DDX10: variants seen among roughly 807,000 people sequenced by gnomAD.
DDX10 encodes the protein DEAD-box helicase 10, also known as probable ATP-dependent RNA helicase DDX10.
A neutral mutation model predicts 104.3 loss-of-function variants in DDX10; 74 were observed. The observed-to-expected ratio is 0.71, with a 90% CI of 0.59 to 0.86. DDX10 has a LOEUF of 0.86. DDX10 is among the 40% of genes least tolerant of loss of function. The pLI is 0.00. For synonymous variants in DDX10, 351 were observed against 353.4 expected (o/e 0.99, Z 0.08); for missense variants, 952 against 1,040.0 (o/e 0.92, Z 1.16).
Position 108,678,305 on chromosome 11 carries a change from CT to C in DDX10, c.538-9del. 1 of 1,606,130 alleles carries C rather than the reference CT, an allele frequency of 6.2e-7. No homozygotes were observed. The highest frequency in any genetic ancestry group is 8.5e-7 in the Non-Finnish European group (1 of 1,177,290). ...GTGTCTGTGTAATCAAAATAAATAACTGTTTTCAGGATCTAAAACACGAAGC... is the reference window on the plus strand; with the variant it reads ...GTGTCTGTGTAATCAAAATAAATAACGTTTTCAGGATCTAAAACACGAAGC... On this transcript the variant is annotated splice_polypyrimidine_tract_variant and intron_variant, in intron 4 of 17. Transcript: ENST00000322536.
intron 9 of DDX10, among the ~76,000 whole-genome samples, chr11:108,694,294 GAAA>G (rs2094256736): frequency 6.6e-6 from 1 of 152,162 alleles, no homozygotes; most frequent in South Asian, 2.1e-4. Context: ...TTCAGGTGAG[GAAA>G]CTGAATCTTT....
At chr11:108,685,420 C>T (rs11212755) in intron 6 of DDX10, among the ~76,000 whole-genome samples, 18,347 of 151,284 alleles carry the variant, frequency 0.12, 1,493 homozygotes, top group East Asian at 0.27. Flanking sequence ...CACTGGCCTG[C>T]GCCCACTGTC....
Position 108,885,392 on chromosome 11 carries a change from C to G in DDX10, c.2305-32481C>G, listed in dbSNP as rs192503852. 5.3e-3 allele frequency among the ~76,000 whole-genome samples: 766 copies of G among 143,726 alleles called. 3 individuals are homozygous for G. Among genetic ancestry groups the G allele is most frequent in the Non-Finnish European group, 8.5e-3 (567 of 66,954 alleles). 94.3% of individuals were successfully genotyped at this position (143,726 alleles called of 152,430 possible). A position where few individuals can be genotyped will look rare whatever the true frequency, so the allele number is the denominator to read the frequency against. The stretch of plus-strand genomic sequence containing the variant: ...TTTTTTTTTGAGATGGAGTCTCGCA[C>G]TCTCACCCAGGCTGGAGTGTAGTGG... On this transcript the variant is annotated intron_variant, in intron 16 of 17. Coordinates refer to ENST00000322536, the MANE Select transcript of DDX10 (RefSeq NM_004398.4).
At chr11:108,785,741 A>G (rs894865724) in intron 13 of DDX10, among the ~76,000 whole-genome samples, 89 of 152,116 alleles carry the variant, frequency 5.9e-4, no homozygotes, top group Middle Eastern at 3.4e-3. Context: ...ATCGTCTCCA[A>G]TCTTTTATAT....
intron 13 of DDX10, among the ~76,000 whole-genome samples, chr11:108,786,179 A>G (rs1011572995): frequency 6.6e-6 from 1 of 151,578 alleles, no homozygotes; most frequent in South Asian, 2.1e-4. Flanking sequence ...TTCTTTATCA[A>G]TTTCTGTTTT....
At chr11:108,861,122 CAATCTAATCAGCTGCCAGCG>C (rs1355673200) in intron 16 of DDX10, among the ~76,000 whole-genome samples, 1 of 150,492 alleles carries the variant, frequency 6.6e-6, no homozygotes, top group Non-Finnish European at 1.5e-5. Context: ...CTAGTAGGCG[CAATCTAATCAGCTGCCAGCG>C]AATATAAAGC....
At chr11:108,838,382 T>G in intron 13 of DDX10, 64 bp from the exon 14 acceptor site, 1 of 1,540,044 alleles carries the variant, frequency 6.5e-7, no homozygotes, top group African/African-American at 1.4e-5. Flanking sequence ...TTGCCAGAGT[T>G]GGATTGTTAA....
At chr11:108,805,402 G>T (rs1565284320) in intron 13 of DDX10, among the ~76,000 whole-genome samples, 1 of 152,202 alleles carries the variant, frequency 6.6e-6, no homozygotes, top group Non-Finnish European at 1.5e-5. Context: ...AAAGTAGCAA[G>T]TGGTACAAAG....
Position 108,688,929 on chromosome 11 carries a change from C to T in DDX10, c.849-7C>T. 3 of 1,608,708 alleles carry T rather than the reference C, an allele frequency of 1.9e-6. No individual in the cohort carries two copies. The highest frequency in any genetic ancestry group is 2.2e-5 in the East Asian group (1 of 44,786). ...TCTAATGTTTTTCTTTTCCGTAATT[C>T]CACAAGCACCCCTGCCACTTTGGAA... On this transcript the variant is annotated splice_polypyrimidine_tract_variant and splice_region_variant and intron_variant, in intron 6 of 17. Transcript: ENST00000322536.
rs750410748 is a variant in DDX10 at position 108,678,329 on chromosome 11, A to G, written c.552A>G (p.Glu184=). The change falls in exon 5 of 18, where the codon GAA becomes GAG. Residue 184 remains glutamate (E), a synonymous_variant. Transcript: ENST00000322536. ...LIIGGKDLKH[E]AERINNINIL... ...ACTGTTTTCAGGATCTAAAACACGA[A>G]GCTGAGAGGATCAACAACATAAATA... The G allele has an allele frequency of 6.2e-7, 1 of 1,610,310 alleles. No individual in the cohort carries two copies. The highest frequency in any genetic ancestry group is 2.2e-5 in the East Asian group (1 of 44,820).
intron 17 of DDX10, chr11:108,920,330 C>G (rs1863806440): frequency 6.6e-6 from 1 of 152,152 alleles, no homozygotes; most frequent in Non-Finnish European, 1.5e-5. Context: ...ATTTCATGCA[C>G]AGCTAACAAG....
chr11:108,889,201 G>A (rs533275885), intron 16 of DDX10, among the ~76,000 whole-genome samples: 6 of 152,222 alleles, frequency 3.9e-5, no homozygotes, highest in African/African-American at 1.4e-4. Context: ...GCTGAAATCT[G>A]TAGTGATTCA....
At position 108,784,359 on chromosome 11, in the gene DDX10, A is replaced by G. The variant is rs1360973748; in HGVS notation, c.1966-54087A>G. On this transcript the variant is annotated intron_variant, in intron 13 of 17. Transcript: ENST00000322536. The stretch of plus-strand genomic sequence containing the variant: ...TCCATTGTGATTGGTGTGAGATGGT[A>G]TCTCTTTGTGGTTTTGATTTACATT... Among the ~76,000 whole-genome samples, 7 of 151,974 alleles carry G rather than the reference A, an allele frequency of 4.6e-5. No individual in the cohort carries two copies. In the East Asian group the frequency reaches 1.2e-3, roughly 25 times the overall value.
intron 13 of DDX10, among the ~76,000 whole-genome samples, chr11:108,810,848 C>T (rs963523388): frequency 6.6e-6 from 1 of 152,146 alleles, no homozygotes; most frequent in Non-Finnish European, 1.5e-5. Flanking sequence ...CAGCATGTTG[C>T]CTTTTTGGTG....
chr11:108,884,559 C>G lies in DDX10; in HGVS notation c.2304+32350C>G, dbSNP rs547803129. ...ATTCATCTCTGCTCTTTCTGCCCTT[C>G]TGTAACTCAGAAGTCACAGCACTGG... On this transcript the variant is annotated intron_variant, in intron 16 of 17. Transcript: ENST00000322536. Among the ~76,000 whole-genome samples the G allele has an allele frequency of 2.3e-4, 35 of 152,312 alleles. 1 individual carries two copies. In the South Asian group the frequency reaches 7.0e-3, roughly 31 times the overall value.
intron 13 of DDX10, among the ~76,000 whole-genome samples, chr11:108,824,659 G>T (rs369109587): frequency 1.3e-5 from 2 of 152,196 alleles, no homozygotes; most frequent in East Asian, 3.9e-4. Context: ...CCAGCTGCTT[G>T]CTTCCTAATA....
chr11:108,839,680 T>C (rs796793540), intron 14 of DDX10, among the ~76,000 whole-genome samples: 7 of 152,322 alleles, frequency 4.6e-5, no homozygotes, highest in African/African-American at 1.7e-4. Context: ...TTTTGGGATG[T>C]ATAAATCAGA....
At chr11:108,796,794 G>A (rs1025958095) in intron 13 of DDX10, among the ~76,000 whole-genome samples, 3 of 152,130 alleles carry the variant, frequency 2.0e-5, no homozygotes, top group African/African-American at 7.2e-5. Flanking sequence ...GTGTTTCAGC[G>A]ATGGGGGCAC....
At chr11:108,875,713 C>T (rs1179396289) in intron 16 of DDX10, among the ~76,000 whole-genome samples, 5 of 152,164 alleles carry the variant, frequency 3.3e-5, no homozygotes, top group East Asian at 3.8e-4. Context: ...CTAAGGTCTG[C>T]GTTGGCTTTC....
Sources: allele counts gnomAD v4.1 joint callset (sites outside exome capture counted in the v4.1 genomes callset), GRCh38; gene constraint gnomAD v4.1.1; transcripts MANE v1.5; gene names NCBI Gene and HGNC (gene_info 2026-07-23, HGNC 2026-07-21).